Variants in RIF1 observed in about 807,000 individuals in gnomAD.
The protein encoded by RIF1 is replication timing regulatory factor 1, also known as telomere-associated protein RIF1.
A neutral mutation model predicts 247.1 loss-of-function variants in RIF1; 45 were observed. The ratio of observed to expected loss-of-function variants is 0.18; its 90% confidence interval spans 0.14 to 0.23. RIF1 has a LOEUF of 0.23. RIF1 is among the 10% of genes least tolerant of loss of function. The probability of loss-of-function intolerance (pLI) is 1.00; values close to 1 mark genes in which losing one functional copy is unlikely to be tolerated. For missense variants in RIF1, 2,967 were observed against 2,862.5 expected (o/e 1.04, Z -0.83); for synonymous variants, 1,087 against 978.8 (o/e 1.11, Z -2.06).
At chr2:151,517,390 C>T in the RIF1 span, among the ~76,000 whole-genome samples, 1 of 152,186 alleles carries the variant, frequency 6.6e-6, no homozygotes, top group Non-Finnish European at 1.5e-5. Context: ...ACAGAAGACA[C>T]GAGGACGTTT....
the RIF1 span, chr2:151,516,535 T>G: frequency 1.2e-6 from 2 of 1,612,408 alleles, no homozygotes; most frequent in Non-Finnish European, 1.7e-6. Context: ...TTTTCCTCGT[T>G]CCTTTTCATA....
downstream of RIF1, among the ~76,000 whole-genome samples, chr2:151,509,568 T>G (rs1313497807): frequency 6.6e-5 from 10 of 152,062 alleles, no homozygotes; most frequent in Non-Finnish European, 1.0e-4. Flanking sequence ...CTGCTATTTC[T>G]CGTGGCCCAA....
chr2:151,487,127 T>C (rs112675925), downstream of RIF1, among the ~76,000 whole-genome samples: 837 of 152,324 alleles, frequency 5.5e-3, 7 homozygotes, highest in African/African-American at 0.019. Flanking sequence ...GGCCTTTTTC[T>C]ACCTTTCGAA....
intron 20 of RIF1, among the ~76,000 whole-genome samples, chr2:151,448,817 T>C (rs545229042): frequency 1.4e-4 from 21 of 152,316 alleles, no homozygotes; most frequent in Middle Eastern, 3.4e-3. Flanking sequence ...GTCTACTGAA[T>C]AAACAATGTG....
intron 10 of RIF1, chr2:151,497,845 C>A (rs996542404): frequency 1.8e-5 from 27 of 1,518,426 alleles, no homozygotes; most frequent in Non-Finnish European, 2.3e-5. Context: ...AAAATGCCAC[C>A]GACTACTTTA....
intron 16 of RIF1, among the ~76,000 whole-genome samples, chr2:151,442,581 A>G (rs949371595): frequency 4.6e-5 from 7 of 152,052 alleles, no homozygotes; most frequent in African/African-American, 9.7e-5. Flanking sequence ...TTGTTTATAT[A>G]CGATAATACT....
At chr2:151,527,115 A>T in the RIF1 span, 1 of 784,272 alleles carries the variant, frequency 1.3e-6, no homozygotes, top group South Asian at 1.7e-5. Flanking sequence ...CCTCTTAAGG[A>T]GAGGACAAAG....
downstream of RIF1, among the ~76,000 whole-genome samples, chr2:151,510,616 A>G (rs1309750858): frequency 6.6e-6 from 1 of 152,236 alleles, no homozygotes; most frequent in African/African-American, 2.4e-5. Flanking sequence ...ATGTAACTAT[A>G]TAACTTTTAT....
chr2:151,474,024 G>A lies in RIF1; in HGVS notation c.7156G>A (p.Gly2386Arg). The part of the protein sequence containing the change: ...VFDISEKTVN[G>R]IENKSLSPDE... ...TGATATTTCTGAAAAAACAGTAAAT[G>A]GAATAGAAAATAAATCTTTGTCACC... Residue 2386 changes from glycine (G) to arginine (R), a missense_variant, in exon 35 of 36, where the codon GGA (glycine) becomes AGA (arginine). Around this residue, in one of 7 missense-constraint regions of RIF1, gnomAD observed 151 missense variants for 163.4 expected, o/e 0.92. Transcript: ENST00000444746. 6.3e-7 allele frequency: 1 copy of A among 1,591,752 alleles called. No homozygotes were observed. Among genetic ancestry groups the A allele is most frequent in the Non-Finnish European group, 8.6e-7 (1 of 1,161,588 alleles).
chr2:151,514,396 G>A, the RIF1 span: 2 of 1,613,386 alleles, frequency 1.2e-6, no homozygotes, highest in African/African-American at 2.7e-5. Flanking sequence ...CCTTCCCACG[G>A]ATGCTTTCCT....
At chr2:151,453,711 C>A (rs1694739321) in intron 21 of RIF1, among the ~76,000 whole-genome samples, 1 of 150,958 alleles carries the variant, frequency 6.6e-6, no homozygotes, top group South Asian at 2.1e-4. Flanking sequence ...TGCTGTAGTT[C>A]TTTTTCAATT....
At chr2:151,484,382 A>C (rs1224004137), downstream of RIF1, among the ~76,000 whole-genome samples, 3 of 152,236 alleles carry the variant, frequency 2.0e-5, no homozygotes, top group African/African-American at 7.2e-5. Context: ...GATCACCTGA[A>C]GTCAGGAGTT....
intron 9 of RIF1, chr2:151,494,319 A>G: frequency 9.3e-7 from 1 of 1,076,364 alleles, no homozygotes; most frequent in Non-Finnish European, 1.4e-6. Context: ...AAAAAAGGAA[A>G]TGGTACAGAT....
intron 2 of RIF1, among the ~76,000 whole-genome samples, chr2:151,411,015 T>C (rs1686094717): frequency 6.6e-6 from 1 of 152,192 alleles, no homozygotes; most frequent in Non-Finnish European, 1.5e-5. Context: ...GTTCTGTCTT[T>C]TTGGAGTCAG....
chr2:151,470,055 C>G (rs534526368), intron 34 of RIF1, among the ~76,000 whole-genome samples, 191 bp downstream of exon 34: 1 of 152,042 alleles, frequency 6.6e-6, no homozygotes, highest in Non-Finnish European at 1.5e-5. Context: ...ATCCCCTTCT[C>G]TCTTTCATTT....
intron 6 of RIF1, 84 bp downstream of exon 6, chr2:151,416,985 G>T: frequency 1.0e-6 from 1 of 966,570 alleles, no homozygotes; most frequent in Non-Finnish European, 1.6e-6. Flanking sequence ...TTAAATGAGA[G>T]ACAGACATTA....
intron 9 of RIF1, among the ~76,000 whole-genome samples, chr2:151,488,047 T>C (rs1250511722): frequency 1.3e-5 from 2 of 152,188 alleles, no homozygotes; most frequent in Admixed American, 6.5e-5. Flanking sequence ...ATATTCCTGG[T>C]TACTAGTCAT....
At position 151,462,408 on chromosome 2, in the gene RIF1, T is replaced by C. The variant is rs1399209160; in HGVS notation, c.3309-4T>C. ...AATAATATTCTTACTAATATTTATTTCAGGGAAATTCCTACTTTAACCAGA... is the reference window on the plus strand; with the variant it reads ...AATAATATTCTTACTAATATTTATTCCAGGGAAATTCCTACTTTAACCAGA... On this transcript the variant is annotated splice_region_variant and splice_polypyrimidine_tract_variant and intron_variant, in intron 28 of 35. Transcript: ENST00000444746. 1 of 1,518,626 alleles carries C rather than the reference T, an allele frequency of 6.6e-7. No individual in the cohort carries two copies. The highest frequency in any genetic ancestry group is 8.9e-7 in the Non-Finnish European group (1 of 1,117,606). 94.1% of individuals were successfully genotyped at this position (1,518,626 alleles called of 1,614,324 possible).
At chr2:151,411,862 A>C (rs1686297644) in intron 3 of RIF1, among the ~76,000 whole-genome samples, 1 of 152,224 alleles carries the variant, frequency 6.6e-6, no homozygotes, top group Admixed American at 6.5e-5. Flanking sequence ...CCATGGTTCC[A>C]TGAGATTATT....
Sources: gnomAD v4.1 joint callset for allele counts (sites outside exome capture counted in the v4.1 genomes callset) on GRCh38, gnomAD v4.1.1 for gene constraint, gnomAD v4.1.1 regional missense constraint, MANE v1.5 for transcripts, NCBI Gene and HGNC (gene_info 2026-07-23, HGNC 2026-07-21) for gene names.